Variants in WDR36 observed in about 807,000 individuals in gnomAD.
The protein encoded by WDR36 is WD repeat-containing protein 36.
WDR36 carries 63 observed loss-of-function variants against 112.7 expected under a neutral mutation model. That is an observed-to-expected ratio of 0.56 (90% CI 0.46 to 0.69). The LOEUF is 0.69. Among genes scored for constraint, WDR36 ranks in the 30% least tolerant of loss-of-function variants. The pLI is 0.00. For missense variants in WDR36, 1,226 were observed against 1,070.3 expected (o/e 1.15, Z -2.03); for synonymous variants, 410 against 362.2 (o/e 1.13, Z -1.50).
chr5:111,125,192 A>G (rs1047011819), intron 21 of WDR36, among the ~76,000 whole-genome samples: 2 of 152,234 alleles, frequency 1.3e-5, no homozygotes, highest in Non-Finnish European at 2.9e-5. Flanking sequence ...TTATAACAAT[A>G]GAAAAGAAAA....
chr5:111,126,668 A>C (rs1462770097), intron 22 of WDR36, 66 bp from the exon 23 acceptor site: 48 of 1,557,998 alleles, frequency 3.1e-5, no homozygotes, highest in South Asian at 1.1e-5. Flanking sequence ...TGGTAGAAAA[A>C]TTGAATCCAG....
At chr5:111,116,294 C>G (rs897578644) in intron 16 of WDR36, among the ~76,000 whole-genome samples, 5 of 151,962 alleles carry the variant, frequency 3.3e-5, no homozygotes, top group Non-Finnish European at 7.4e-5. Flanking sequence ...ATTAAATAAT[C>G]TTAATAGAAT....
chr5:111,114,954 T>A (rs1472790525), intron 16 of WDR36, among the ~76,000 whole-genome samples: 1 of 152,096 alleles, frequency 6.6e-6, no homozygotes, highest in Admixed American at 6.6e-5. Flanking sequence ...AATGAAAAAA[T>A]TAGGATCTGA....
chr5:111,103,743 A>G (rs1753166224), intron 6 of WDR36, 43 bp from the exon 7 acceptor site: 2 of 1,607,072 alleles, frequency 1.2e-6, no homozygotes, highest in South Asian at 1.1e-5. Context: ...TATTAAAGCT[A>G]TTTTGCTTAA....
At chr5:111,094,493 C>G (rs1384940232) in intron 1 of WDR36, among the ~76,000 whole-genome samples, 1 of 151,738 alleles carries the variant, frequency 6.6e-6, no homozygotes, top group African/African-American at 2.4e-5. Context: ...TGGGGGCAGG[C>G]TGGGGGTAGG....
chr5:111,099,463 GTTTT>G (rs67437234), intron 4 of WDR36, among the ~76,000 whole-genome samples: 22 of 84,964 alleles, frequency 2.6e-4, no homozygotes, highest in African/African-American at 9.4e-4. Flanking sequence ...TTTTTTTTTT[GTTTT>G]TTTTTTTTTT....
At chr5:111,098,878 G>A (rs367792914) in intron 4 of WDR36, 39 bp downstream of exon 4, 102 of 1,344,052 alleles carry the variant, frequency 7.6e-5, no homozygotes, top group Non-Finnish European at 1.0e-4. Flanking sequence ...TCTTAGGGTA[G>A]TATGTGTTTA....
At chr5:111,120,899 T>C in intron 18 of WDR36, 97 bp from the exon 19 acceptor site, 1 of 1,093,894 alleles carries the variant, frequency 9.1e-7, no homozygotes, top group South Asian at 1.3e-5. Context: ...AAGGCTGCAT[T>C]AAATGAACAT....
At chr5:111,110,144 A>G in intron 12 of WDR36, 45 bp from the exon 13 acceptor site, 2 of 1,385,630 alleles carry the variant, frequency 1.4e-6, no homozygotes, top group Non-Finnish European at 2.1e-6. Context: ...AAAGTGCAAT[A>G]AAAATGTTAG....
At position 111,111,073 on chromosome 5, in the gene WDR36, C is replaced by T. The variant is rs538481309; in HGVS notation, c.1608-97C>T. 12 of 1,546,432 alleles carry T rather than the reference C, an allele frequency of 7.8e-6. No homozygotes were observed. The East Asian group carries it at 1.1e-4, about 14-fold the overall frequency. On this transcript the variant is annotated intron_variant, in intron 14 of 22. Transcript: ENST00000513710. ...TAAAGAACAACATTTGGCTTAATTTCCCCCAAAGTGTACTTGATTTAACAA... is the reference window on the plus strand; with the variant it reads ...TAAAGAACAACATTTGGCTTAATTTTCCCCAAAGTGTACTTGATTTAACAA...
At chr5:111,124,072 A>G in intron 20 of WDR36, 36 bp from the exon 21 acceptor site, 1 of 1,607,034 alleles carries the variant, frequency 6.2e-7, no homozygotes, top group Non-Finnish European at 8.5e-7. Context: ...GTGATACTTG[A>G]ATTATTTGAA....
At chr5:111,123,510 T>G (rs1032861687) in intron 19 of WDR36, among the ~76,000 whole-genome samples, 3 of 152,240 alleles carry the variant, frequency 2.0e-5, no homozygotes, top group African/African-American at 7.2e-5. Flanking sequence ...TATATCTTCA[T>G]GTAAATATAT....
At chr5:111,123,470 A>G (rs149693685) in intron 19 of WDR36, among the ~76,000 whole-genome samples, 2 of 152,328 alleles carry the variant, frequency 1.3e-5, no homozygotes, top group Non-Finnish European at 2.9e-5. Context: ...TGTACTCAAT[A>G]CAAAAGGAAG....
rs775697928 is a variant in WDR36 at position 111,125,751 on chromosome 5, C to T, written c.2494C>T (p.Arg832Cys). The change falls in exon 22 of 23, where the codon CGT becomes TGT. Residue 832 changes from arginine to cysteine, a missense_variant. Arg to Cys is a radical substitution (Grantham distance 180, BLOSUM62 -3). Transcript: ENST00000513710. ...GATTGGGATGATGCTGGACAGAAAG[C>T]GTGATTTTGAGTTAGCCCAGGCATA... is the stretch of plus-strand genomic sequence containing the variant. The part of the protein sequence containing the change: ...KMIGMMLDRK[R>C]DFELAQAYLA... 3.1e-6 allele frequency: 5 copies of T among 1,613,764 alleles called. No homozygotes were observed. Among genetic ancestry groups the T allele is most frequent in the Middle Eastern group, 1.7e-4 (1 of 6,058 alleles).
In WDR36 at chr5:111,107,917, G is replaced by A. The variant is rs544607609; in HGVS notation, c.1326+478G>A. The stretch of plus-strand genomic sequence containing the variant: ...GTGGTAAGTTTTGAAATCAGGAAGT[G>A]TGACTTCTCCAGGTTTTTTGTTCTT... On this transcript the variant is annotated intron_variant, in intron 12 of 22. Transcript: ENST00000513710. Among the ~76,000 whole-genome samples, 6 of 151,444 alleles carry A rather than the reference G, an allele frequency of 4.0e-5. No individual in the cohort carries two copies. In the South Asian group the frequency reaches 1.2e-3, roughly 31 times the overall value.
chr5:111,092,364 T>C lies in WDR36; in HGVS notation c.-93T>C, dbSNP rs1752877354. 1 of 1,614,104 alleles carries C rather than the reference T, an allele frequency of 6.2e-7. No individual in the cohort carries two copies. Among genetic ancestry groups the C allele is most frequent in the African/African-American group, 1.3e-5 (1 of 74,942 alleles). On this transcript the variant is annotated 5_prime_UTR_variant, in exon 1 of 23. Coordinates refer to ENST00000513710, the MANE Select transcript of WDR36 (RefSeq NM_139281.3). ...GGAAGCGGTGTTGTGTCTGCAGCTC[T>C]GGCAGAGGACTGTTCCACTAGACAC... is the stretch of plus-strand genomic sequence containing the variant.
intron 3 of WDR36, among the ~76,000 whole-genome samples, chr5:111,098,429 G>T (rs1372333398): frequency 3.9e-5 from 6 of 152,156 alleles, no homozygotes; most frequent in Non-Finnish European, 8.8e-5. Context: ...AGGGAACTAG[G>T]TGTGTGTGCA....
At chr5:111,108,750 G>A (rs1412164116) in intron 12 of WDR36, among the ~76,000 whole-genome samples, 1 of 151,288 alleles carries the variant, frequency 6.6e-6, no homozygotes, top group Non-Finnish European at 1.5e-5. Context: ...GGCTTTATGA[G>A]CAACATGCCT....
chr5:111,104,404 G>T, intron 8 of WDR36, 52 bp downstream of exon 8: 1 of 1,606,208 alleles, frequency 6.2e-7, no homozygotes, highest in Non-Finnish European at 8.5e-7. Flanking sequence ...TACCCTTTGG[G>T]TTATTACAAG....
Sources: allele counts gnomAD v4.1 joint callset (sites outside exome capture counted in the v4.1 genomes callset), GRCh38; gene constraint gnomAD v4.1.1; transcripts MANE v1.5; gene names NCBI Gene and HGNC (gene_info 2026-07-23, HGNC 2026-07-21).